The following LRP1B variants were observed in gnomAD, a reference collection of about 807,000 sequenced individuals.
LRP1B encodes LDL receptor related protein 1B, also known as low-density lipoprotein receptor-related protein 1B.
Under a neutral mutation model 556.6 loss-of-function variants are expected in LRP1B, and 217 were observed. The observed-to-expected ratio is 0.39, with a 90% CI of 0.35 to 0.44. LRP1B has a LOEUF of 0.44. Among genes scored for constraint, LRP1B ranks in the 20% least tolerant of loss-of-function variants. LRP1B has a pLI of 1.00. For missense variants in LRP1B, 5,053 were observed against 5,620.8 expected (o/e 0.90, Z 3.23); for synonymous variants, 2,047 against 1,865.8 (o/e 1.10, Z -2.50).
At chr2:140,332,279 AAAACT>A (rs776568888) in intron 79 of LRP1B, among the ~76,000 whole-genome samples, 14 of 151,962 alleles carry the variant, frequency 9.2e-5, no homozygotes, top group Non-Finnish European at 1.9e-4. Context: ...ACCTTTTGCA[AAAACT>A]ACAATTCTGC....
At chr2:141,846,119 T>A (rs1697635597) in intron 1 of LRP1B, among the ~76,000 whole-genome samples, 1 of 150,808 alleles carries the variant, frequency 6.6e-6, no homozygotes, top group African/African-American at 2.4e-5. Context: ...ACAGAAATAA[T>A]TAACAAAACC....
chr2:140,560,441 G>A (rs1574080169), intron 43 of LRP1B, among the ~76,000 whole-genome samples: 2 of 152,160 alleles, frequency 1.3e-5, no homozygotes, highest in African/African-American at 4.8e-5. Context: ...GGGGAAGCTT[G>A]GTCAAGGTTC....
intron 1 of LRP1B, among the ~76,000 whole-genome samples, chr2:141,858,008 A>T (rs1698116866): frequency 6.6e-6 from 1 of 152,186 alleles, no homozygotes; most frequent in African/African-American, 2.4e-5. Flanking sequence ...CTAGAATAGA[A>T]ATCTTTTGAC....
chr2:140,240,371 T>A (rs936104301), intron 87 of LRP1B, among the ~76,000 whole-genome samples: 1 of 150,784 alleles, frequency 6.6e-6, no homozygotes, highest in African/African-American at 2.4e-5. Context: ...TTTGTTTTTA[T>A]GCATCTGAGC....
At chr2:140,947,744 C>T (rs1695585702) in intron 20 of LRP1B, among the ~76,000 whole-genome samples, 2 of 152,248 alleles carry the variant, frequency 1.3e-5, no homozygotes, top group Admixed American at 6.5e-5. Context: ...ATTCCTCCAC[C>T]TTGTATTCAC....
At chr2:140,754,395 G>C (rs562716306) in intron 35 of LRP1B, among the ~76,000 whole-genome samples, 2 of 152,146 alleles carry the variant, frequency 1.3e-5, no homozygotes, top group African/African-American at 4.8e-5. Flanking sequence ...AATGTCAAAA[G>C]GCATTATCAG....
chr2:141,317,590 T>C (rs1687082102), intron 3 of LRP1B, among the ~76,000 whole-genome samples: 1 of 152,136 alleles, frequency 6.6e-6, no homozygotes, highest in Admixed American at 6.5e-5. Context: ...CAATTTAGTG[T>C]ATACCTATCT....
At chr2:142,066,435 A>G (rs1705111784) in intron 1 of LRP1B, among the ~76,000 whole-genome samples, 1 of 151,456 alleles carries the variant, frequency 6.6e-6, no homozygotes, top group Admixed American at 6.6e-5. Context: ...TCTCCTCATA[A>G]TTGCAGCACA....
intron 20 of LRP1B, among the ~76,000 whole-genome samples, chr2:140,949,706 C>T (rs1695649896): frequency 6.6e-6 from 1 of 151,362 alleles, no homozygotes; most frequent in African/African-American, 2.4e-5. Flanking sequence ...GTTGGAAGGC[C>T]GAGGCAGGCA....
At chr2:141,320,232 T>G (rs2105469269) in intron 3 of LRP1B, among the ~76,000 whole-genome samples, 1 of 152,244 alleles carries the variant, frequency 6.6e-6, no homozygotes, top group Admixed American at 6.6e-5. Context: ...TTTAAATTAC[T>G]TTTATAATAA....
chr2:141,300,013 G>A (rs746466135), intron 3 of LRP1B, among the ~76,000 whole-genome samples: 1 of 152,118 alleles, frequency 6.6e-6, no homozygotes, highest in Non-Finnish European at 1.5e-5. Context: ...TCCCATAAAT[G>A]GGATTAATTC....
intron 3 of LRP1B, among the ~76,000 whole-genome samples, chr2:141,381,715 C>G (rs975133025): frequency 6.6e-6 from 1 of 151,982 alleles, no homozygotes; most frequent in African/African-American, 2.4e-5. Flanking sequence ...ACCTTCTTGG[C>G]CTGAAGGGAG....
chr2:141,192,765 ACT>A (rs1434288626), intron 6 of LRP1B, among the ~76,000 whole-genome samples: 1 of 151,892 alleles, frequency 6.6e-6, no homozygotes, highest in Non-Finnish European at 1.5e-5. Context: ...AATATCGATA[ACT>A]CTAAATATCA....
chr2:140,781,542 A>T (rs1689697573), intron 32 of LRP1B, among the ~76,000 whole-genome samples: 1 of 152,226 alleles, frequency 6.6e-6, no homozygotes. Context: ...GATGATGGAA[A>T]AATGACAGGA....
At chr2:142,013,763 G>A (rs950491260) in intron 1 of LRP1B, among the ~76,000 whole-genome samples, 1 of 152,064 alleles carries the variant, frequency 6.6e-6, no homozygotes, top group Non-Finnish European at 1.5e-5. Flanking sequence ...TATTTGGATT[G>A]TACAGTGATT....
intron 11 of LRP1B, among the ~76,000 whole-genome samples, chr2:141,023,342 G>T (rs969886815): frequency 3.3e-5 from 5 of 151,620 alleles, no homozygotes; most frequent in African/African-American, 1.2e-4. Flanking sequence ...AATTCCTGAT[G>T]TTAACAATAT....
In LRP1B at chr2:141,693,688, G is replaced by C. The variant is rs1014025526; in HGVS notation, c.205+116591C>G. Among the ~76,000 whole-genome samples, 5 of 151,970 alleles carry C rather than the reference G, an allele frequency of 3.3e-5. 1 individual carries two copies. The highest frequency in any genetic ancestry group is 2.6e-4 in the Admixed American group (4 of 15,232). ...TTAGCCTTATACAGACAGATCATTTGTTTATTTCTTATTTAGTCCTTCCCT... is the reference window on the plus strand; with the variant it reads ...TTAGCCTTATACAGACAGATCATTTCTTTATTTCTTATTTAGTCCTTCCCT... On this transcript the variant is annotated intron_variant, in intron 2 of 90. Coordinates refer to ENST00000389484, the MANE Select transcript of LRP1B (RefSeq NM_018557.3).
chr2:142,079,577 G>T (rs1705638921), intron 1 of LRP1B, among the ~76,000 whole-genome samples: 1 of 151,600 alleles, frequency 6.6e-6, no homozygotes. Context: ...GTGCTATCTT[G>T]GCTCACTGCA....
chr2:140,474,141 G>A (rs1428205911), intron 60 of LRP1B, among the ~76,000 whole-genome samples: 1 of 151,904 alleles, frequency 6.6e-6, no homozygotes, highest in East Asian at 1.9e-4. Flanking sequence ...TAGTTAGAAG[G>A]ATGAAAAGAT....
Sources: gnomAD v4.1 joint callset for allele counts (sites outside exome capture counted in the v4.1 genomes callset) on GRCh38, gnomAD v4.1.1 for gene constraint, MANE v1.5 for transcripts, NCBI Gene and HGNC (gene_info 2026-07-23, HGNC 2026-07-21) for gene names.